RNF180: variants seen among roughly 807,000 people sequenced by gnomAD.
RNF180 encodes the protein E3 ubiquitin-protein ligase RNF180.
A neutral mutation model predicts 59.2 loss-of-function variants in RNF180; 38 were observed. The observed-to-expected ratio is 0.64, with a 90% CI of 0.50 to 0.84. The LOEUF (loss-of-function observed/expected upper bound fraction) is 0.84. RNF180 is among the 40% of genes least tolerant of loss of function. The pLI is 0.00. For synonymous variants in RNF180, 262 were observed against 240.3 expected (o/e 1.09, Z -0.84); for missense variants, 705 against 700.9 (o/e 1.01, Z -0.07).
intron 2 of RNF180, among the ~76,000 whole-genome samples, chr5:64,209,183 G>A (rs1478794518): frequency 6.6e-6 from 1 of 151,972 alleles, no homozygotes; most frequent in Non-Finnish European, 1.5e-5. Flanking sequence ...CCTGTGCATA[G>A]TGAGCACAAT....
chr5:64,294,714 G>A (rs1742798767), intron 5 of RNF180, among the ~76,000 whole-genome samples: 1 of 152,076 alleles, frequency 6.6e-6, no homozygotes, highest in South Asian at 2.1e-4. Context: ...TACAAAAGTG[G>A]TATCATACTA....
At chr5:64,169,863 T>A (rs1001214083) in intron 1 of RNF180, among the ~76,000 whole-genome samples, 2 of 152,236 alleles carry the variant, frequency 1.3e-5, no homozygotes, top group Non-Finnish European at 2.9e-5. Context: ...TTTCGCGGGA[T>A]AAATTCTAAT....
At chr5:64,271,162 TAAA>T (rs1044087554) in intron 5 of RNF180, among the ~76,000 whole-genome samples, 2 of 151,984 alleles carry the variant, frequency 1.3e-5, no homozygotes, top group Non-Finnish European at 2.9e-5. Context: ...AGAAAGTAAA[TAAA>T]AAACTACAAC....
At chr5:64,314,560 AT>A (rs1269854244) in intron 5 of RNF180, among the ~76,000 whole-genome samples, 1 of 152,054 alleles carries the variant, frequency 6.6e-6, no homozygotes, top group Admixed American at 6.6e-5. Flanking sequence ...CAATCTTAAA[AT>A]TTTTTGAGAG....
intron 1 of RNF180, among the ~76,000 whole-genome samples, chr5:64,166,956 T>G (rs555228839): frequency 1.3e-5 from 2 of 152,180 alleles, no homozygotes; most frequent in Non-Finnish European, 2.9e-5. Flanking sequence ...AAAAATAGAG[T>G]CAATTCCTTT....
intron 2 of RNF180, 84 bp from the exon 3 acceptor site, chr5:64,211,981 A>G: frequency 2.7e-6 from 2 of 745,800 alleles, no homozygotes; most frequent in Non-Finnish European, 2.2e-6. Flanking sequence ...TAGAATTTGT[A>G]TTTTTGAGTT....
chr5:64,287,677 C>T (rs372119057), intron 5 of RNF180, among the ~76,000 whole-genome samples: 1 of 152,064 alleles, frequency 6.6e-6, no homozygotes. Context: ...CTAACAGTGA[C>T]GTTGAGCTTT....
chr5:64,254,990 C>A (rs1580120500), intron 5 of RNF180, among the ~76,000 whole-genome samples: 1 of 152,132 alleles, frequency 6.6e-6, no homozygotes, highest in Non-Finnish European at 1.5e-5. Context: ...ATTTTCCCCA[C>A]AAGCAAATCA....
intron 2 of RNF180, among the ~76,000 whole-genome samples, chr5:64,205,160 G>A (rs964612672): frequency 6.6e-6 from 1 of 152,152 alleles, no homozygotes; most frequent in Admixed American, 6.6e-5. Context: ...ACAAGAAACA[G>A]TACAAATGCA....
chr5:64,338,415 A>C (rs949835818), intron 7 of RNF180, among the ~76,000 whole-genome samples: 1 of 152,156 alleles, frequency 6.6e-6, no homozygotes, highest in African/African-American at 2.4e-5. Flanking sequence ...CAGGCGGATC[A>C]CGAGGTCAGG....
chr5:64,283,774 A>G (rs1742136228), intron 5 of RNF180, among the ~76,000 whole-genome samples: 1 of 152,206 alleles, frequency 6.6e-6, no homozygotes, highest in South Asian at 2.1e-4. Flanking sequence ...ACTGTAAGTT[A>G]ATTAAACCTC....
chr5:64,254,558 A>C (rs1190388520), intron 5 of RNF180, among the ~76,000 whole-genome samples: 8 of 152,190 alleles, frequency 5.3e-5, no homozygotes, highest in African/African-American at 1.9e-4. Context: ...TTATAAATGG[A>C]CATCAAATAA....
chr5:64,258,978 A>G (rs902020239), intron 5 of RNF180, among the ~76,000 whole-genome samples: 1 of 152,202 alleles, frequency 6.6e-6, no homozygotes, highest in African/African-American at 2.4e-5. Context: ...GATAGCAGAC[A>G]AGAGGACAGC....
intron 5 of RNF180, among the ~76,000 whole-genome samples, chr5:64,266,413 A>T (rs901071391): frequency 7.9e-5 from 12 of 151,524 alleles, no homozygotes; most frequent in Non-Finnish European, 1.6e-4. Context: ...TATAATATAC[A>T]GGCTTCTTCT....
At chr5:64,193,192 T>A (rs1403286972) in intron 1 of RNF180, among the ~76,000 whole-genome samples, 1 of 151,868 alleles carries the variant, frequency 6.6e-6, no homozygotes, top group Non-Finnish European at 1.5e-5. Context: ...GATGAATAAG[T>A]TCTACAGATC....
At chr5:64,321,913 G>T (rs1012246288) in intron 5 of RNF180, among the ~76,000 whole-genome samples, 1 of 152,182 alleles carries the variant, frequency 6.6e-6, no homozygotes, top group African/African-American at 2.4e-5. Context: ...ATGGGGAAAG[G>T]ATTCCCTGTT....
intron 5 of RNF180, among the ~76,000 whole-genome samples, chr5:64,257,846 A>G (rs1744076093): frequency 6.6e-6 from 1 of 152,198 alleles, no homozygotes; most frequent in African/African-American, 2.4e-5. Flanking sequence ...CAGAAAGTTA[A>G]CAAGGATATA....
At chr5:64,369,074 T>C (rs897168467) in intron 7 of RNF180, among the ~76,000 whole-genome samples, 9 of 151,940 alleles carry the variant, frequency 5.9e-5, no homozygotes, top group Non-Finnish European at 1.3e-4. Context: ...TGTCCAACAA[T>C]GATAGATTGG....
chr5:64,188,389 T>C (rs151221692), intron 1 of RNF180, among the ~76,000 whole-genome samples: 1 of 152,188 alleles, frequency 6.6e-6, no homozygotes, highest in African/African-American at 2.4e-5. Flanking sequence ...ACAAATACAT[T>C]ATGGTTCTCG....
Sources: gnomAD v4.1 joint callset for allele counts (sites outside exome capture counted in the v4.1 genomes callset) on GRCh38, gnomAD v4.1.1 for gene constraint, MANE v1.5 for transcripts, NCBI Gene and HGNC (gene_info 2026-07-23, HGNC 2026-07-21) for gene names.